TAPBPL: variants seen among roughly 807,000 people sequenced by gnomAD.
TAPBPL encodes tapasin-related protein.
TAPBPL carries 32 observed loss-of-function variants against 44.8 expected under a neutral mutation model. The observed-to-expected ratio is 0.71, with a 90% CI of 0.54 to 0.96. TAPBPL has a LOEUF of 0.96. TAPBPL is among the 40% of genes least tolerant of loss of function. The pLI, the probability that TAPBPL is intolerant of heterozygous loss-of-function variation, is 0.00. For missense variants in TAPBPL, 520 were observed against 586.6 expected, an observed-to-expected ratio of 0.89 and a Z score of 1.17; for synonymous variants, 230 against 240.7, an observed-to-expected ratio of 0.96 and a Z score of 0.41.
intron 3 of TAPBPL, among the ~76,000 whole-genome samples, chr12:6,454,293 A>AC (rs1368833133): frequency 6.6e-6 from 1 of 151,692 alleles, no homozygotes; most frequent in Non-Finnish European, 1.5e-5. Context: ...ACATGGTGAA[A>AC]CCCCCTCTCT....
In TAPBPL at chr12:6,458,836, T is replaced by A. The variant is rs770232911; in HGVS notation, c.1096T>A (p.Ser366Thr). The change falls in exon 5 of 7, where the codon TCC (serine) becomes ACC (threonine). Residue 366 changes from serine (S) to threonine (T), a missense_variant. Physicochemically the swap from Ser to Thr is moderately conservative, Grantham distance 58 (BLOSUM62 1). Transcript: ENST00000266556. ...RQSVAGTYSI[S>T]SSLTAEPGSA... ...AAGCGTGGCAGGCACCTACAGCATC[T>A]CCTCCTCTCTCACCGCAGAACCTGG... 2.9e-5 allele frequency: 46 copies of A among 1,613,558 alleles called. 1 individual carries two copies. In the South Asian group the frequency reaches 4.7e-4, roughly 17 times the overall value.
chr12:6,453,524 T>A lies in TAPBPL; in HGVS notation c.373T>A (p.Ser125Thr), dbSNP rs1465166682. Reference sequence around the variant, plus strand: ...TGGGAAGGAGGTGACCTGTGAGATCTCCCGCTACTTTCTCCAGATGACAGA... The same window carrying A: ...TGGGAAGGAGGTGACCTGTGAGATCACCCGCTACTTTCTCCAGATGACAGA... ...CSGKEVTCEI[S>T]RYFLQMTETT... The change falls in exon 3 of 7, where the codon TCC becomes ACC. Residue 125 changes from serine to threonine, a missense_variant. Ser to Thr is a moderately conservative substitution (Grantham distance 58). Transcript: ENST00000266556. This position sits in a 1 kb window ranked among gnomAD's most constrained non-coding sequence, Gnocchi z 4.8. 2 of 1,614,012 alleles carry A rather than the reference T, an allele frequency of 1.2e-6. No individual in the cohort carries two copies. The highest frequency in any genetic ancestry group is 2.7e-5 in the African/African-American group (2 of 74,920).
At chr12:6,465,327 GAGAA>G (rs1479154132), downstream of TAPBPL, 1 of 317,182 alleles carries the variant, frequency 3.2e-6, no homozygotes, top group Non-Finnish European at 6.0e-6. Context: ...ATTTCAATCT[GAGAA>G]AGCTGATTTA....
At position 6,453,309 on chromosome 12, in the gene TAPBPL, C is replaced by T. The variant is rs1949612306; in HGVS notation, c.295+12C>T. On this transcript the variant is annotated intron_variant, in intron 2 of 6. Coordinates refer to ENST00000266556, the MANE Select transcript of TAPBPL (RefSeq NM_018009.5). This position sits in a 1 kb window ranked among gnomAD's most constrained non-coding sequence, Gnocchi z 4.8. Reference sequence around the variant, plus strand: ...CTTTGAGGCCTCAGGTAAAAGCCTTCCACCTGTGTCCTTGGTCCTCCCGGG... The same window carrying T: ...CTTTGAGGCCTCAGGTAAAAGCCTTTCACCTGTGTCCTTGGTCCTCCCGGG... 1.2e-6 allele frequency: 2 copies of T among 1,612,990 alleles called. No individual in the cohort carries two copies. The highest frequency in any genetic ancestry group is 1.1e-5 in the South Asian group (1 of 90,916).
downstream of TAPBPL, chr12:6,466,527 G>T: frequency 1.7e-6 from 1 of 582,948 alleles, no homozygotes; most frequent in Non-Finnish European, 2.9e-6. Flanking sequence ...TAAAAAAACA[G>T]ACAAAAAGAA....
intron 1 of TAPBPL, 119 bp downstream of exon 1, chr12:6,452,431 GC>G: frequency 6.9e-7 from 1 of 1,456,084 alleles, no homozygotes; most frequent in East Asian, 2.5e-5. Context: ...CGCCTTCTAA[GC>G]CCAACAGGGG....
chr12:6,463,143 C>A, downstream of TAPBPL: 1 of 1,466,932 alleles, frequency 6.8e-7, no homozygotes, highest in Admixed American at 2.4e-5. This position sits in a 1 kb window ranked among gnomAD's most constrained non-coding sequence, Gnocchi z 4.0. Context: ...GTTCCACTGT[C>A]TATACACACA....
chr12:6,458,579 G>C (rs760300218), intron 4 of TAPBPL, 66 bp from the exon 5 acceptor site: 26 of 1,557,222 alleles, frequency 1.7e-5, no homozygotes, highest in South Asian at 3.6e-5. Flanking sequence ...GGAAGAAAAG[G>C]CTTCAGGCTC....
downstream of TAPBPL, chr12:6,466,647 T>C (rs566402936): frequency 5.2e-5 from 13 of 248,968 alleles, no homozygotes; most frequent in Non-Finnish European, 9.3e-5. Context: ...AGACAAACCA[T>C]AGAGGCAAGA....
At position 6,457,542 on chromosome 12, in the gene TAPBPL, G is replaced by A; in HGVS notation, c.702G>A (p.Arg234=). The change falls in exon 4 of 7, where the codon AGG becomes AGA. Residue 234 remains arginine (R), a synonymous_variant. Transcript: ENST00000266556. ...SVEWRLQHKG[R]GQLVYSWTAG... is the part of the protein sequence containing the mutation. ...AGTGGCGACTGCAGCACAAGGGCAG[G>A]GGTCAGTTGGTGTACAGCTGGACCG... is the stretch of plus-strand genomic sequence containing the variant. 2 of 1,614,234 alleles carry A rather than the reference G, an allele frequency of 1.2e-6. No homozygotes were observed. Among genetic ancestry groups the A allele is most frequent in the South Asian group, 1.1e-5 (1 of 91,088 alleles).
downstream of TAPBPL, chr12:6,465,336 GA>G (rs775917062): frequency 3.1e-5 from 9 of 290,076 alleles, no homozygotes; most frequent in South Asian, 2.3e-4. Flanking sequence ...TGAGAAAGCT[GA>G]TTTAAAAGAA....
downstream of TAPBPL, among the ~76,000 whole-genome samples, chr12:6,469,413 C>A (rs1945712065): frequency 6.6e-6 from 1 of 152,154 alleles, no homozygotes; most frequent in African/African-American, 2.4e-5. Context: ...AAGCCCCCTC[C>A]CCAAAATGAA....
downstream of TAPBPL, chr12:6,466,179 A>T: frequency 6.2e-7 from 1 of 1,613,792 alleles, no homozygotes; most frequent in South Asian, 1.1e-5. Context: ...TTTTGTTTCC[A>T]AACTCCTAGA....
intron 3 of TAPBPL, among the ~76,000 whole-genome samples, chr12:6,455,593 A>G (rs1408746789): frequency 1.3e-5 from 2 of 152,048 alleles, no homozygotes; most frequent in African/African-American, 4.8e-5. Context: ...TATGCCACAG[A>G]TCTTCATACT....
At chr12:6,457,375 C>A (rs369139309) in intron 3 of TAPBPL, 31 bp from the exon 4 acceptor site, 5 of 1,588,826 alleles carry the variant, frequency 3.1e-6, no homozygotes, top group Admixed American at 1.7e-5. Flanking sequence ...AGGAAGTAGC[C>A]CACAAATCAC....
rs1366297636 is a variant in TAPBPL at position 6,461,058 on chromosome 12, G to A, written c.1291+120G>A. 3.9e-6 allele frequency: 6 copies of A among 1,519,936 alleles called. No homozygotes were observed. In the African/African-American group the frequency reaches 8.3e-5, roughly 21 times the overall value. 94.2% of individuals were successfully genotyped at this position (1,519,936 alleles called of 1,614,324 possible). On this transcript the variant is annotated intron_variant, in intron 6 of 6. Coordinates refer to ENST00000266556, the MANE Select transcript of TAPBPL (RefSeq NM_018009.5). The stretch of plus-strand genomic sequence containing the variant: ...AAGCTCCAGCCACCCACCCATCACA[G>A]CCTCCTGCTTTTGAGTTTGCCCTAA...
At chr12:6,466,006 G>C (rs781012325), downstream of TAPBPL, 25 of 1,614,052 alleles carry the variant, frequency 1.5e-5, no homozygotes, top group Non-Finnish European at 2.1e-5. Flanking sequence ...ACCACCTGAG[G>C]AGGGCACAGA....
chr12:6,455,542 G>A (rs1205771459), intron 3 of TAPBPL, among the ~76,000 whole-genome samples: 1 of 151,984 alleles, frequency 6.6e-6, no homozygotes, highest in Non-Finnish European at 1.5e-5. Context: ...ACTCCTCTCT[G>A]CTAGGGCAGA....
At chr12:6,467,726 A>C (rs1302228598), downstream of TAPBPL, among the ~76,000 whole-genome samples, 1 of 152,210 alleles carries the variant, frequency 6.6e-6, no homozygotes, top group Non-Finnish European at 1.5e-5. Flanking sequence ...CTGGAGGCCC[A>C]GGAGGAAAAA....
Sources: gnomAD v4.1 joint callset for allele counts (sites outside exome capture counted in the v4.1 genomes callset) on GRCh38, gnomAD v4.1.1 for gene constraint, Gnocchi (gnomAD v3.1) non-coding constraint, MANE v1.5 for transcripts, NCBI Gene and HGNC (gene_info 2026-07-23, HGNC 2026-07-21) for gene names.